The following TPCN2 variants were observed in gnomAD, a reference collection of about 807,000 sequenced individuals.
TPCN2 encodes the protein two pore channel protein 2.
TPCN2 carries 92 observed loss-of-function variants against 111.4 expected under a neutral mutation model. The observed-to-expected ratio is 0.83, with a 90% CI of 0.70 to 0.98. TPCN2 has a LOEUF of 0.98. TPCN2 is among the 50% of genes least tolerant of loss of function. The probability of loss-of-function intolerance (pLI) is 0.00; values close to 1 mark genes in which losing one functional copy is unlikely to be tolerated. For missense variants in TPCN2, 995 were observed against 980.1 expected (o/e 1.02, Z -0.20); for synonymous variants, 405 against 414.5 (o/e 0.98, Z 0.28).
At chr11:69,049,727 C>T (rs957944551) in intron 1 of TPCN2, among the ~76,000 whole-genome samples, 1 of 152,190 alleles carries the variant, frequency 6.6e-6, no homozygotes, top group East Asian at 1.9e-4. Flanking sequence ...CTCTGCCACC[C>T]CAGAGTCCCC....
intron 6 of TPCN2, 63 bp downstream of exon 6, chr11:69,063,053 T>C: frequency 7.0e-7 from 1 of 1,436,760 alleles, no homozygotes; most frequent in Non-Finnish European, 9.8e-7. Context: ...CCGGGCCACG[T>C]GGTTGCGGGT....
At chr11:69,061,061 C>A (rs542712344) in intron 5 of TPCN2, among the ~76,000 whole-genome samples, 1 of 152,346 alleles carries the variant, frequency 6.6e-6, no homozygotes, top group African/African-American at 2.4e-5. Context: ...CTGGCTGGAC[C>A]TTGGTGAACA....
intron 18 of TPCN2, 40 bp from the exon 19 acceptor site, chr11:69,083,905 G>A (rs1233214391): frequency 6.3e-7 from 1 of 1,595,670 alleles, no homozygotes; most frequent in Non-Finnish European, 8.6e-7. Context: ...CCTCAGTGGG[G>A]CCAGGAGGAG....
At position 69,071,903 on chromosome 11, in the gene TPCN2, C is replaced by G. The variant is rs1166746012; in HGVS notation, c.961-20C>G. 16 of 1,610,248 alleles carry G rather than the reference C, an allele frequency of 9.9e-6. No homozygotes were observed. The highest frequency in any genetic ancestry group is 1.3e-5 in the Non-Finnish European group (15 of 1,177,004). ...CTGGGGGAGGGCTGATCCTGCCGTTCATAGCCTTCCTCTTTGCAGAAATCT... is the reference window on the plus strand; with the variant it reads ...CTGGGGGAGGGCTGATCCTGCCGTTGATAGCCTTCCTCTTTGCAGAAATCT... On this transcript the variant is annotated intron_variant, in intron 10 of 24. Coordinates refer to ENST00000294309, the MANE Select transcript of TPCN2 (RefSeq NM_139075.4).
intron 5 of TPCN2, among the ~76,000 whole-genome samples, chr11:69,061,078 GC>G (rs1281938820): frequency 6.6e-6 from 1 of 152,232 alleles, no homozygotes; most frequent in Non-Finnish European, 1.5e-5. Context: ...AACAGAATAG[GC>G]AGGTCTCTTG....
chr11:69,058,846 C>T lies in TPCN2; in HGVS notation c.546+1152C>T, dbSNP rs147451497. Among the ~76,000 whole-genome samples, 53 of 152,372 alleles carry T rather than the reference C, an allele frequency of 3.5e-4. No individual in the cohort carries two copies. The East Asian group carries it at 9.3e-3, about 27-fold the overall frequency. The stretch of plus-strand genomic sequence containing the variant: ...AAGGGAGCGAGGATAGCCCTCCCAC[C>T]GCCATTTCTGAGTTACGGTTGTGGC... On this transcript the variant is annotated intron_variant, in intron 5 of 24. Transcript: ENST00000294309.
At position 69,055,372 on chromosome 11, in the gene TPCN2, C is replaced by A. The variant is rs751361901; in HGVS notation, c.429+20C>A. On this transcript the variant is annotated intron_variant, in intron 4 of 24. Coordinates refer to ENST00000294309, the MANE Select transcript of TPCN2 (RefSeq NM_139075.4). Reference sequence around the variant, plus strand: ...GTGAAGGTGAGGCGGGCGCCAGGCCCTCTACGTGCTGCCCCGGCCTCCCAG... The same window carrying A: ...GTGAAGGTGAGGCGGGCGCCAGGCCATCTACGTGCTGCCCCGGCCTCCCAG... 3.2e-6 allele frequency: 5 copies of A among 1,585,558 alleles called. No homozygotes were observed. The East Asian group carries it at 1.1e-4, about 36-fold the overall frequency.
At chr11:69,052,867 C>T (rs989144170) in intron 1 of TPCN2, among the ~76,000 whole-genome samples, 17 of 152,210 alleles carry the variant, frequency 1.1e-4, no homozygotes, top group Non-Finnish European at 1.6e-4. Context: ...GTGTGAAAGC[C>T]GAGTCTCAAC....
At chr11:69,054,605 G>A (rs1426887196) in intron 2 of TPCN2, 116 bp from the exon 3 acceptor site, 46 of 966,414 alleles carry the variant, frequency 4.8e-5, no homozygotes, top group Non-Finnish European at 6.5e-5. Flanking sequence ...ACGCTGAAGC[G>A]TCCCCTGTGA....
At chr11:69,078,442 T>A in intron 13 of TPCN2, 40 bp from the exon 14 acceptor site, 1 of 1,611,090 alleles carries the variant, frequency 6.2e-7, no homozygotes, top group African/African-American at 1.3e-5. Flanking sequence ...CAGCCACGGC[T>A]GCTGGCCTGT....
At chr11:69,062,486 C>G (rs72919432) in intron 5 of TPCN2, among the ~76,000 whole-genome samples, 2 of 151,194 alleles carry the variant, frequency 1.3e-5, no homozygotes. Context: ...GGTGAGGAGG[C>G]GGGGATGGTA....
chr11:69,088,205 C>T lies in TPCN2; in HGVS notation c.*252C>T. The T allele has an allele frequency of 2.0e-6, 1 of 512,184 alleles. No homozygotes were observed. The highest frequency in any genetic ancestry group is 2.5e-5 in the South Asian group (1 of 40,522). The allele number at this position is 512,184 out of a possible 1,614,324, so 31.7% of individuals were successfully genotyped here. ...TTTATAGCTGCTTCAGTGAGAATTC[C>T]CTCGTCGACTCCACAGGGACCTTTC... On this transcript the variant is annotated 3_prime_UTR_variant, in exon 25 of 25. Coordinates refer to ENST00000294309, the MANE Select transcript of TPCN2 (RefSeq NM_139075.4).
intron 3 of TPCN2, 26 bp downstream of exon 3, chr11:69,054,823 A>G (rs1854683108): frequency 6.2e-7 from 1 of 1,609,286 alleles, no homozygotes; most frequent in Admixed American, 1.7e-5. Context: ...TGTGGAACTC[A>G]GGGTTCCTGC....
intron 8 of TPCN2, among the ~76,000 whole-genome samples, chr11:69,069,350 C>A (rs1335870016): frequency 9.3e-5 from 3 of 32,136 alleles, no homozygotes; most frequent in African/African-American, 1.6e-4. Flanking sequence ...TAGGAAGTTA[C>A]CGCAGTGGGA....
intron 1 of TPCN2, among the ~76,000 whole-genome samples, chr11:69,051,220 CTGAT>C (rs1329923660): frequency 6.6e-6 from 1 of 152,232 alleles, no homozygotes; most frequent in Non-Finnish European, 1.5e-5. Context: ...TTGGCCCCAC[CTGAT>C]GGGGCCGGGG....
intron 5 of TPCN2, 58 bp from the exon 6 acceptor site, chr11:69,062,826 C>T (rs1021351254): frequency 1.5e-5 from 23 of 1,525,128 alleles, no homozygotes; most frequent in Middle Eastern, 1.7e-4. Context: ...CTGGGATGGT[C>T]GGTGAGGGGT....
rs1412546944 is a variant in TPCN2, at chr11:69,087,920, G to A, written c.2226G>A (p.Leu742=). The A allele has an allele frequency of 1.2e-6, 2 of 1,612,010 alleles. No individual in the cohort carries two copies. The highest frequency in any genetic ancestry group is 2.7e-5 in the African/African-American group (2 of 74,898). ...EPGEDELTER[L]SQHPHLWLCR The stretch of plus-strand genomic sequence containing the variant: ...GGGAGGATGAGCTCACAGAGAGGCT[G>A]AGCCAGCACCCGCACCTGTGGCTGT... Residue 742 remains leucine (L), a synonymous_variant, in exon 25 of 25, where the codon CTG becomes CTA. Transcript: ENST00000294309.
At chr11:69,067,464 G>A in intron 7 of TPCN2, 39 bp from the exon 8 acceptor site, 2 of 1,578,068 alleles carry the variant, frequency 1.3e-6, no homozygotes, top group Non-Finnish European at 1.7e-6. Context: ...GTGGGGTGGG[G>A]ACCCAGTGGT....
chr11:69,051,025 G>A (rs144239610), intron 1 of TPCN2, among the ~76,000 whole-genome samples: 33 of 152,370 alleles, frequency 2.2e-4, no homozygotes, highest in African/African-American at 5.8e-4. Flanking sequence ...AGACTATGGA[G>A]CCATGGAGAC....
Sources: allele counts gnomAD v4.1 joint callset (sites outside exome capture counted in the v4.1 genomes callset), GRCh38; gene constraint gnomAD v4.1.1; transcripts MANE v1.5; gene names NCBI Gene and HGNC (gene_info 2026-07-23, HGNC 2026-07-21).